CTIF: variants seen among roughly 807,000 people sequenced by gnomAD.
The protein encoded by CTIF is cap binding complex dependent translation initiation factor.
A neutral mutation model predicts 66.0 loss-of-function variants in CTIF; 21 were observed. That is an observed-to-expected ratio of 0.32 (90% CI 0.23 to 0.46). The LOEUF (loss-of-function observed/expected upper bound fraction) is 0.46, where lower values mean the gene tolerates loss of function less well. Among genes scored for constraint, CTIF ranks in the 20% least tolerant of loss-of-function variants. The probability of loss-of-function intolerance (pLI) is 1.00; values close to 1 mark genes in which losing one functional copy is unlikely to be tolerated. For missense variants in CTIF, 739 were observed against 812.7 expected (o/e 0.91, Z 1.10); for synonymous variants, 345 against 326.4 (o/e 1.06, Z -0.62).
chr18:48,691,827 C>T (rs184821229), intron 6 of CTIF, among the ~76,000 whole-genome samples: 4 of 152,290 alleles, frequency 2.6e-5, no homozygotes, highest in Admixed American at 1.3e-4. Context: ...TATCCTCCAC[C>T]GCCCCTCACT....
At chr18:48,825,460 C>T (rs1210120765) in intron 10 of CTIF, among the ~76,000 whole-genome samples, 4 of 152,208 alleles carry the variant, frequency 2.6e-5, no homozygotes, top group African/African-American at 9.7e-5. Context: ...GAGAGAGCCA[C>T]TTTTTAAACT....
At chr18:48,604,472 C>G (rs1345434623) in intron 1 of CTIF, among the ~76,000 whole-genome samples, 6 of 152,084 alleles carry the variant, frequency 3.9e-5, no homozygotes, top group Admixed American at 2.0e-4. Flanking sequence ...GCCCCTGCGC[C>G]CGGCGTTTTA....
At chr18:48,704,917 G>A (rs1197673282) in intron 6 of CTIF, among the ~76,000 whole-genome samples, 1 of 152,218 alleles carries the variant, frequency 6.6e-6, no homozygotes, top group Non-Finnish European at 1.5e-5. Flanking sequence ...AGGCCCCTCA[G>A]GGTGGGCACA....
intron 6 of CTIF, among the ~76,000 whole-genome samples, chr18:48,677,908 G>A (rs926761206): frequency 6.6e-6 from 1 of 152,150 alleles, no homozygotes; most frequent in Non-Finnish European, 1.5e-5. Context: ...TGAGCTGCGG[G>A]CTGCATATAC....
chr18:48,719,648 A>T (rs1274254741), intron 7 of CTIF, among the ~76,000 whole-genome samples: 1 of 152,220 alleles, frequency 6.6e-6, no homozygotes, highest in East Asian at 1.9e-4. Flanking sequence ...GACCTGCAAG[A>T]TCCCAGTCCA....
chr18:48,629,261 G>T (rs771356393), intron 2 of CTIF, among the ~76,000 whole-genome samples: 9 of 152,198 alleles, frequency 5.9e-5, no homozygotes, highest in Non-Finnish European at 1.0e-4. Context: ...CGCCACCCTC[G>T]GTTAAGAAGC....
At chr18:48,777,052 A>C (rs964365857) in intron 9 of CTIF, among the ~76,000 whole-genome samples, 2 of 152,234 alleles carry the variant, frequency 1.3e-5, no homozygotes, top group African/African-American at 4.8e-5. Context: ...AGGCAAACAG[A>C]GGGTGCCTGC....
chr18:48,593,583 C>T (rs1477664675), intron 1 of CTIF, among the ~76,000 whole-genome samples: 6 of 151,588 alleles, frequency 4.0e-5, no homozygotes, highest in Admixed American at 1.3e-4. Context: ...GGGGTTTCAC[C>T]GTATTAGCCA....
rs1437283140 is a variant in CTIF at position 48,746,182 on chromosome 18, T to C, written c.585-11737T>C. Among the ~76,000 whole-genome samples the C allele has an allele frequency of 7.2e-5, 11 of 152,290 alleles. No homozygotes were observed. The South Asian group carries it at 8.3e-4, about 11-fold the overall frequency. The stretch of plus-strand genomic sequence containing the variant: ...GCCATCTTTGCTTCACGTAGGGGCC[T>C]TTCCCCAAGAAGGGCTGGACAAGGT... On this transcript the variant is annotated intron_variant, in intron 7 of 11. Transcript: ENST00000256413.
chr18:48,741,276 C>A (rs370939145), intron 7 of CTIF, among the ~76,000 whole-genome samples: 3,175 of 93,366 alleles, frequency 0.034, 82 homozygotes, highest in Admixed American at 0.057. Flanking sequence ...TTTACTCTGC[C>A]CCCGCCCCCC....
chr18:48,553,765 C>T (rs2088949845), intron 1 of CTIF, among the ~76,000 whole-genome samples: 1 of 151,694 alleles, frequency 6.6e-6, no homozygotes, highest in African/African-American at 2.4e-5. Context: ...ATGCTATTCT[C>T]CTGCCTCAGC....
chr18:48,542,915 C>T (rs1268533552), intron 1 of CTIF, among the ~76,000 whole-genome samples: 3 of 152,180 alleles, frequency 2.0e-5, no homozygotes, highest in Non-Finnish European at 4.4e-5. Flanking sequence ...TTTCTGGCGA[C>T]ACGGAGCTAA....
chr18:48,783,942 C>T (rs1401527833), intron 9 of CTIF, among the ~76,000 whole-genome samples: 1 of 152,244 alleles, frequency 6.6e-6, no homozygotes, highest in Non-Finnish European at 1.5e-5. Context: ...CACCAAACCT[C>T]CAGTCCCCTG....
chr18:48,651,470 AG>A (rs1363438593), intron 3 of CTIF, among the ~76,000 whole-genome samples: 3 of 151,908 alleles, frequency 2.0e-5, no homozygotes, highest in Non-Finnish European at 4.4e-5. Flanking sequence ...GCCCTAATAC[AG>A]GAGCACACAG....
chr18:48,588,940 C>T lies in CTIF; in HGVS notation c.-28-30598C>T, dbSNP rs367944908. 4.8e-4 allele frequency among the ~76,000 whole-genome samples: 73 copies of T among 152,268 alleles called. No individual in the cohort carries two copies. In the South Asian group the frequency reaches 6.8e-3, roughly 14 times the overall value. On this transcript the variant is annotated intron_variant, in intron 1 of 11. Coordinates refer to ENST00000256413, the MANE Select transcript of CTIF (RefSeq NM_014772.3). ...GAGGGCACCGGACTTTTCCCTTTCCCCTCCCTCTCTACATGTACCCGGCGC... is the reference window on the plus strand; with the variant it reads ...GAGGGCACCGGACTTTTCCCTTTCCTCTCCCTCTCTACATGTACCCGGCGC...
intron 1 of CTIF, among the ~76,000 whole-genome samples, chr18:48,544,473 A>T (rs1050654081): frequency 7.9e-5 from 12 of 152,218 alleles, no homozygotes; most frequent in African/African-American, 2.9e-4. Context: ...CATTATGATG[A>T]ACAGAAAGCC....
At chr18:48,789,156 C>T (rs2067739043) in intron 9 of CTIF, among the ~76,000 whole-genome samples, 1 of 152,150 alleles carries the variant, frequency 6.6e-6, no homozygotes, top group Admixed American at 6.5e-5. Flanking sequence ...GCAGGAAGTA[C>T]CAAATCACAG....
chr18:48,540,272 G>A (rs575077255), intron 1 of CTIF: 1 of 151,960 alleles, frequency 6.6e-6, no homozygotes, highest in Non-Finnish European at 1.5e-5. Context: ...AGCCACCTCT[G>A]GGTGGCGAGT....
At chr18:48,815,530 T>TAA (rs1310875587) in intron 9 of CTIF, among the ~76,000 whole-genome samples, 6 of 152,222 alleles carry the variant, frequency 3.9e-5, no homozygotes, top group Admixed American at 6.5e-5. Flanking sequence ...TCAAAATAGT[T>TAA]ATAGATACAC....
Sources: allele counts gnomAD v4.1 joint callset (sites outside exome capture counted in the v4.1 genomes callset), GRCh38; gene constraint gnomAD v4.1.1; transcripts MANE v1.5; gene names NCBI Gene and HGNC (gene_info 2026-07-23, HGNC 2026-07-21).